The following CDH11 variants were observed in gnomAD, a reference collection of about 807,000 sequenced individuals.
The protein encoded by CDH11 is cadherin-11.
Under a neutral mutation model 67.8 loss-of-function variants are expected in CDH11, and 11 were observed. The ratio of observed to expected loss-of-function variants is 0.16; its 90% CI spans 0.10 to 0.27. CDH11 has a LOEUF of 0.27. Among genes scored for constraint, CDH11 ranks in the 10% least tolerant of loss-of-function variants. The probability of loss-of-function intolerance (pLI) is 1.00; values close to 1 mark genes in which losing one functional copy is unlikely to be tolerated. For synonymous variants in CDH11, 419 were observed against 400.0 expected, an observed-to-expected ratio of 1.05 and a Z score of -0.57; for missense variants, 847 against 1,031.2, an observed-to-expected ratio of 0.82 and a Z score of 2.45.
intron 8 of CDH11, among the ~76,000 whole-genome samples, chr16:64,976,619 C>T (rs1225816495): frequency 1.3e-5 from 2 of 152,144 alleles, no homozygotes; most frequent in Non-Finnish European, 2.9e-5. Flanking sequence ...CTTTGGGAGG[C>T]CAAGGTGGGC....
intron 5 of CDH11, among the ~76,000 whole-genome samples, 167 bp from the exon 6 acceptor site, chr16:64,992,102 T>TAA (rs2142493018): frequency 6.6e-6 from 1 of 152,322 alleles, no homozygotes; most frequent in Non-Finnish European, 1.5e-5. Context: ...GAAGCATCAT[T>TAA]ATGTCTTTTC....
At chr16:64,971,863 T>A in intron 10 of CDH11, 68 bp downstream of exon 10, 1 of 1,556,390 alleles carries the variant, frequency 6.4e-7, no homozygotes, top group Admixed American at 1.7e-5. Context: ...CTCCAAGTGA[T>A]GGTTTAAAAA....
rs114810485 is a variant in CDH11, at chr16:65,008,794, T to C, written c.-172-3753A>G. Among the ~76,000 whole-genome samples, 845 of 152,286 alleles carry C rather than the reference T, an allele frequency of 5.5e-3. 11 individuals carry two copies. The highest frequency in any genetic ancestry group is 0.019 in the African/African-American group (784 of 41,564). On this transcript the variant is annotated intron_variant, in intron 2 of 12. Transcript: ENST00000268603. ...GACGTTGTGATAAAAAGCAGTTACCTAGAAGCCAGCTAAATGTGGGAAGTA... is the reference window on the plus strand; with the variant it reads ...GACGTTGTGATAAAAAGCAGTTACCCAGAAGCCAGCTAAATGTGGGAAGTA...
intron 1 of CDH11, chr16:65,072,020 G>A (rs1024273752): frequency 6.6e-6 from 1 of 152,252 alleles, no homozygotes; most frequent in Non-Finnish European, 1.5e-5. Flanking sequence ...GAGAGGCCAG[G>A]CTTATTGATT....
At chr16:64,998,244 T>C (rs2072825151) in intron 4 of CDH11, among the ~76,000 whole-genome samples, 1 of 152,202 alleles carries the variant, frequency 6.6e-6, no homozygotes, top group South Asian at 2.1e-4. Flanking sequence ...AGATTAATCA[T>C]TGCAAAAGCT....
At chr16:65,031,530 A>G (rs1469046163) in intron 2 of CDH11, among the ~76,000 whole-genome samples, 1 of 152,176 alleles carries the variant, frequency 6.6e-6, no homozygotes, top group Non-Finnish European at 1.5e-5. Flanking sequence ...ACATAAGTCA[A>G]ATGCTCAAGG....
At chr16:65,103,693 T>G (rs1260545959) in intron 1 of CDH11, among the ~76,000 whole-genome samples, 1 of 152,180 alleles carries the variant, frequency 6.6e-6, no homozygotes, top group Non-Finnish European at 1.5e-5. Context: ...CTGCACTATT[T>G]GTAAGGTATC....
chr16:64,956,364 A>T (rs1243791005), intron 11 of CDH11, among the ~76,000 whole-genome samples: 1 of 152,260 alleles, frequency 6.6e-6, no homozygotes, highest in African/African-American at 2.4e-5. Context: ...TGAGCAGTAG[A>T]CTAATGAGGA....
chr16:64,983,916 T>C (rs573881009), intron 7 of CDH11, among the ~76,000 whole-genome samples: 1 of 152,372 alleles, frequency 6.6e-6, no homozygotes, highest in South Asian at 2.1e-4. Flanking sequence ...CATAGTCTGT[T>C]GATCTTGCTA....
chr16:65,080,948 C>T (rs2074599487), intron 1 of CDH11, among the ~76,000 whole-genome samples: 1 of 151,950 alleles, frequency 6.6e-6, no homozygotes, highest in South Asian at 2.1e-4. Flanking sequence ...ATGGTAGTGC[C>T]CGAAATATCA....
At chr16:65,089,727 T>G (rs1319728697) in intron 1 of CDH11, among the ~76,000 whole-genome samples, 1 of 152,158 alleles carries the variant, frequency 6.6e-6, no homozygotes, top group Non-Finnish European at 1.5e-5. Flanking sequence ...TAGAAGTGGG[T>G]AGCACTTTAA....
intron 11 of CDH11, among the ~76,000 whole-genome samples, chr16:64,959,374 A>G (rs1487940472): frequency 6.6e-6 from 1 of 152,178 alleles, no homozygotes; most frequent in Non-Finnish European, 1.5e-5. Context: ...GGGTAAATGG[A>G]GAGAAAAGAA....
intron 1 of CDH11, among the ~76,000 whole-genome samples, chr16:65,102,551 G>C (rs147410908): frequency 6.6e-6 from 1 of 152,212 alleles, no homozygotes; most frequent in Admixed American, 6.5e-5. Flanking sequence ...AAGGGATATA[G>C]ACAAGCATGA....
chr16:64,977,286 G>A (rs1017216511), intron 8 of CDH11, among the ~76,000 whole-genome samples: 12 of 152,180 alleles, frequency 7.9e-5, no homozygotes, highest in African/African-American at 2.9e-4. Flanking sequence ...GGGAGTGGGC[G>A]GTTGGTTCAA....
chr16:65,109,343 GA>G (rs2075119300), intron 1 of CDH11, among the ~76,000 whole-genome samples: 1 of 152,170 alleles, frequency 6.6e-6, no homozygotes. Flanking sequence ...TTCACTCCCT[GA>G]AAGAGTAAAG....
At position 65,121,464 on chromosome 16, in the gene CDH11, G is replaced by A. The variant is rs921942245; in HGVS notation, c.-298+416C>T. Among the ~76,000 whole-genome samples, 5 of 152,210 alleles carry A rather than the reference G, an allele frequency of 3.3e-5. No individual in the cohort carries two copies. The highest frequency in any genetic ancestry group is 2.6e-4 in the Admixed American group (4 of 15,284). ...GTCGCCGCTTTGGGGAAGCGGCGCA[G>A]GGCTGGCGGGCACCGCGCCGTGGGC... is the stretch of plus-strand genomic sequence containing the variant. On this transcript the variant is annotated intron_variant, in intron 1 of 12. Transcript: ENST00000268603. This position sits in a 1 kb window ranked among gnomAD's most constrained non-coding sequence, Gnocchi z 4.1.
chr16:64,948,179 C>T, intron 12 of CDH11, 80 bp from the exon 13 acceptor site: 4 of 1,527,106 alleles, frequency 2.6e-6, no homozygotes, highest in Admixed American at 3.9e-5. Flanking sequence ...CTCTGATTAC[C>T]ATAAACCATG....
intron 1 of CDH11, among the ~76,000 whole-genome samples, chr16:65,092,939 C>CTTT (rs572146359): frequency 7.3e-6 from 1 of 137,814 alleles, no homozygotes. Context: ...AGTTTGTCTC[C>CTTT]TTTTTTTTTT....
chr16:64,997,300 AAAATAAATAAATAAATAAAT>A (rs71143544), intron 4 of CDH11, among the ~76,000 whole-genome samples: 1 of 125,140 alleles, frequency 8.0e-6, no homozygotes, highest in African/African-American at 3.0e-5. Context: ...ACTCTGTCTC[AAAATAAATAAATAAATAAAT>A]AAATAAATAA....
Sources: gnomAD v4.1 joint callset for allele counts (sites outside exome capture counted in the v4.1 genomes callset) on GRCh38, gnomAD v4.1.1 for gene constraint, Gnocchi (gnomAD v3.1) non-coding constraint, MANE v1.5 for transcripts, NCBI Gene and HGNC (gene_info 2026-07-23, HGNC 2026-07-21) for gene names.